Variants in DOCK4 observed in about 807,000 individuals in gnomAD.
DOCK4 encodes dedicator of cytokinesis protein 4.
A neutral mutation model predicts 268.1 loss-of-function variants in DOCK4; 97 were observed. The observed-to-expected ratio is 0.36, with a 90% confidence interval of 0.31 to 0.43. DOCK4 has a LOEUF of 0.43. DOCK4 is among the 20% of genes least tolerant of loss of function. The pLI, the probability that DOCK4 is intolerant of heterozygous loss-of-function variation, is 1.00. For synonymous variants in DOCK4, 954 were observed against 887.2 expected, an observed-to-expected ratio of 1.08 and a Z score of -1.34; for missense variants, 2,145 against 2,455.7, an observed-to-expected ratio of 0.87 and a Z score of 2.67.
chr7:112,144,606 C>T (rs1815263385), intron 1 of DOCK4, among the ~76,000 whole-genome samples: 1 of 152,188 alleles, frequency 6.6e-6, no homozygotes, highest in Non-Finnish European at 1.5e-5. Flanking sequence ...GCCAGGTCAT[C>T]AAGGACCCAG....
Position 111,782,636 on chromosome 7 carries a change from C to T in DOCK4, c.3585+228G>A, listed in dbSNP as rs766365149. Among the ~76,000 whole-genome samples the T allele has an allele frequency of 1.2e-4, 19 of 152,216 alleles. 1 individual carries two copies. Among genetic ancestry groups the T allele is most frequent in the South Asian group, 1.0e-3 (5 of 4,822 alleles). ...ATCCCACACGGGTCTCCTATTAGGGCTGTGGGGAATGCAGGGGATGCACCT... is the reference window on the plus strand; with the variant it reads ...ATCCCACACGGGTCTCCTATTAGGGTTGTGGGGAATGCAGGGGATGCACCT... On this transcript the variant is annotated intron_variant, in intron 35 of 52. Transcript: ENST00000428084.
At chr7:112,142,112 G>A (rs932851400) in intron 1 of DOCK4, among the ~76,000 whole-genome samples, 2 of 152,120 alleles carry the variant, frequency 1.3e-5, no homozygotes, top group African/African-American at 4.8e-5. Flanking sequence ...TAACTCATGT[G>A]GTCCTCACAA....
intron 8 of DOCK4, among the ~76,000 whole-genome samples, chr7:111,975,716 A>G (rs943456551): frequency 6.6e-6 from 1 of 152,228 alleles, no homozygotes; most frequent in Non-Finnish European, 1.5e-5. Flanking sequence ...CAAGAAATAA[A>G]AAGTACACTT....
At chr7:111,823,570 T>TA (rs1381958257) in intron 26 of DOCK4, among the ~76,000 whole-genome samples, 2 of 152,112 alleles carry the variant, frequency 1.3e-5, no homozygotes, top group Non-Finnish European at 2.9e-5. Flanking sequence ...ATACAATACT[T>TA]AAAGTGGAAT....
At chr7:111,989,409 G>A (rs940307454) in intron 5 of DOCK4, among the ~76,000 whole-genome samples, 4 of 152,064 alleles carry the variant, frequency 2.6e-5, no homozygotes, top group Non-Finnish European at 4.4e-5. Context: ...TACTTCTCAC[G>A]TGCTCCTTTT....
At chr7:112,110,728 C>T (rs372887995) in intron 1 of DOCK4, among the ~76,000 whole-genome samples, 1 of 152,190 alleles carries the variant, frequency 6.6e-6, no homozygotes, top group East Asian at 1.9e-4. Flanking sequence ...ATTCCTCAAC[C>T]CTATCATGGG....
At chr7:112,057,913 T>C (rs1007809852) in intron 1 of DOCK4, among the ~76,000 whole-genome samples, 3 of 151,890 alleles carry the variant, frequency 2.0e-5, no homozygotes, top group Non-Finnish European at 4.4e-5. Context: ...CTTTATCTCA[T>C]CCTATTAAAA....
intron 30 of DOCK4, among the ~76,000 whole-genome samples, chr7:111,801,453 G>A (rs1030087599): frequency 7.9e-5 from 12 of 152,206 alleles, no homozygotes; most frequent in Admixed American, 2.6e-4. Flanking sequence ...CTAAATTGGC[G>A]CAAGACCAAA....
At chr7:111,949,762 A>T (rs897560513) in intron 8 of DOCK4, among the ~76,000 whole-genome samples, 36 of 152,206 alleles carry the variant, frequency 2.4e-4, no homozygotes, top group African/African-American at 8.0e-4. Flanking sequence ...TACAGCCACT[A>T]ATCACTCAGC....
chr7:112,086,938 A>G (rs1351454877), intron 1 of DOCK4, among the ~76,000 whole-genome samples: 1 of 152,082 alleles, frequency 6.6e-6, no homozygotes, highest in East Asian at 1.9e-4. Flanking sequence ...CCACCCCTGA[A>G]AAAACAAATC....
chr7:112,186,367 AAT>A (rs1288915384), intron 1 of DOCK4, among the ~76,000 whole-genome samples: 7 of 152,240 alleles, frequency 4.6e-5, no homozygotes, highest in Admixed American at 2.0e-4. Context: ...CAGGCTTCAG[AAT>A]CTGAAACCAA....
At chr7:112,033,167 G>A (rs1160179561) in intron 1 of DOCK4, among the ~76,000 whole-genome samples, 1 of 152,032 alleles carries the variant, frequency 6.6e-6, no homozygotes, top group Non-Finnish European at 1.5e-5. Context: ...AATACAATAT[G>A]CAGACAGATA....
chr7:111,856,090 C>G (rs1400780042), intron 23 of DOCK4, among the ~76,000 whole-genome samples: 1 of 152,190 alleles, frequency 6.6e-6, no homozygotes, highest in Admixed American at 6.5e-5. Flanking sequence ...ACCTTGCAAG[C>G]CACGGCAGCT....
intron 12 of DOCK4, among the ~76,000 whole-genome samples, chr7:111,934,531 T>A (rs908697652): frequency 3.5e-4 from 48 of 137,614 alleles, no homozygotes; most frequent in Middle Eastern, 3.5e-3. Context: ...TTGTTTTTTT[T>A]TTTTTTTTTT....
At chr7:111,918,553 A>G (rs940820764) in intron 12 of DOCK4, among the ~76,000 whole-genome samples, 3 of 152,208 alleles carry the variant, frequency 2.0e-5, no homozygotes, top group Non-Finnish European at 4.4e-5. Context: ...CGGAAGAATG[A>G]AGACAAGCGA....
chr7:111,822,284 C>G, intron 27 of DOCK4, 78 bp downstream of exon 27: 1 of 1,254,118 alleles, frequency 8.0e-7, no homozygotes, highest in South Asian at 1.4e-5. Context: ...AACTTGAGAT[C>G]AAATGAAAAA....
intron 8 of DOCK4, 76 bp from the exon 9 acceptor site, chr7:111,945,874 A>G (rs1795579858): frequency 9.2e-7 from 1 of 1,092,412 alleles, no homozygotes; most frequent in South Asian, 1.4e-5. Flanking sequence ...ACTACTCTTC[A>G]TCACAACAGG....
At chr7:112,162,574 C>A (rs1412583795) in intron 1 of DOCK4, among the ~76,000 whole-genome samples, 1 of 152,010 alleles carries the variant, frequency 6.6e-6, no homozygotes, top group Admixed American at 6.6e-5. Flanking sequence ...CCACTCCCCT[C>A]TCTCTTTTTC....
At chr7:111,736,814 G>C (rs191706321) in intron 50 of DOCK4, 103 bp downstream of exon 50, 104 of 991,354 alleles carry the variant, frequency 1.0e-4, no homozygotes, top group Non-Finnish European at 1.6e-5. Context: ...GATCATTAAA[G>C]AGCTAGAGCA....
Sources: gnomAD v4.1 joint callset for allele counts (sites outside exome capture counted in the v4.1 genomes callset) on GRCh38, gnomAD v4.1.1 for gene constraint, MANE v1.5 for transcripts, NCBI Gene and HGNC (gene_info 2026-07-23, HGNC 2026-07-21) for gene names.